Variants in PARD3B observed in about 807,000 individuals in gnomAD.
PARD3B encodes partitioning defective 3 homolog B.
In PARD3B, 103 loss-of-function variants were observed where a neutral mutation model predicts 130.2. That is an observed-to-expected ratio of 0.79 (90% CI 0.67 to 0.93). The LOEUF is 0.93. PARD3B is among the 40% of genes least tolerant of loss of function. PARD3B has a pLI of 0.00. For missense variants in PARD3B, 1,609 were observed against 1,499.2 expected (o/e 1.07, Z -1.21); for synonymous variants, 583 against 553.2 (o/e 1.05, Z -0.76).
chr2:204,643,709 T>A (rs2035172705), intron 1 of PARD3B, among the ~76,000 whole-genome samples: 1 of 152,118 alleles, frequency 6.6e-6, no homozygotes. Flanking sequence ...TCTTCCAGTG[T>A]GGTGCAGGGA....
intron 20 of PARD3B, among the ~76,000 whole-genome samples, chr2:205,441,522 A>G (rs1005203276): frequency 1.3e-5 from 2 of 152,174 alleles, no homozygotes; most frequent in Non-Finnish European, 2.9e-5. Context: ...GGTGGGGAAG[A>G]AGGGTAGCAG....
At chr2:204,924,627 A>T (rs538299573) in intron 2 of PARD3B, among the ~76,000 whole-genome samples, 2 of 152,122 alleles carry the variant, frequency 1.3e-5, no homozygotes, top group African/African-American at 4.8e-5. Flanking sequence ...CAACAGTATC[A>T]GTCCCTACTG....
chr2:205,162,958 A>C (rs1265582385), intron 11 of PARD3B, among the ~76,000 whole-genome samples: 1 of 152,172 alleles, frequency 6.6e-6, no homozygotes, highest in African/African-American at 2.4e-5. Flanking sequence ...GAAAATTTTT[A>C]GTAAAAATTT....
chr2:205,380,601 A>ATATATAAG (rs2045333853), intron 18 of PARD3B, among the ~76,000 whole-genome samples: 1 of 24,802 alleles, frequency 4.0e-5, no homozygotes. Context: ...TAATATATAA[A>ATATATAAG]GAATATATAT....
chr2:205,345,241 G>T (rs1418144791), intron 18 of PARD3B, among the ~76,000 whole-genome samples: 1 of 152,132 alleles, frequency 6.6e-6, no homozygotes, highest in Non-Finnish European at 1.5e-5. Flanking sequence ...TAAGTATGAC[G>T]AAGTGGACAG....
intron 1 of PARD3B, among the ~76,000 whole-genome samples, chr2:204,657,319 G>A (rs1045575783): frequency 1.3e-5 from 2 of 152,098 alleles, no homozygotes; most frequent in African/African-American, 4.8e-5. Flanking sequence ...GCTCAACCTA[G>A]GTAACATAGT....
At chr2:205,008,314 G>A (rs1487774541) in intron 3 of PARD3B, among the ~76,000 whole-genome samples, 1 of 150,910 alleles carries the variant, frequency 6.6e-6, no homozygotes, top group Non-Finnish European at 1.5e-5. Flanking sequence ...TTAATTGAAA[G>A]GAGTAGACTT....
At chr2:205,141,606 C>G (rs1357720074) in intron 10 of PARD3B, among the ~76,000 whole-genome samples, 1 of 152,136 alleles carries the variant, frequency 6.6e-6, no homozygotes, top group Non-Finnish European at 1.5e-5. Flanking sequence ...GAAACATTTG[C>G]AAGCTATTTT....
rs1259907559 is a variant in PARD3B, at chr2:205,276,022, ATAT to A, written c.2186-24504_2186-24502del. Among the ~76,000 whole-genome samples, 3 of 152,154 alleles carry A rather than the reference ATAT, an allele frequency of 2.0e-5. No homozygotes were observed. Among genetic ancestry groups the A allele is most frequent in the African/African-American group, 7.2e-5 (3 of 41,436 alleles). On this transcript the variant is annotated intron_variant, in intron 16 of 22. Transcript: ENST00000406610. This position sits in a 1 kb window ranked among gnomAD's most constrained non-coding sequence, Gnocchi z 5.0. ...AGACACAGTAATCTCAGGTGTGTTCATATTATCATTATTTAGTCTGAGAAATCT... is the reference window on the plus strand; with the variant it reads ...AGACACAGTAATCTCAGGTGTGTTCATATCATTATTTAGTCTGAGAAATCT...
intron 18 of PARD3B, among the ~76,000 whole-genome samples, chr2:205,310,635 C>T (rs564461099): frequency 4.3e-4 from 65 of 151,932 alleles, no homozygotes; most frequent in African/African-American, 1.4e-3. Flanking sequence ...TAATGTCCCC[C>T]AGGTTCATCC....
intron 10 of PARD3B, among the ~76,000 whole-genome samples, chr2:205,155,149 C>A (rs1203149365): frequency 1.3e-5 from 2 of 152,008 alleles, no homozygotes; most frequent in Admixed American, 6.6e-5. Flanking sequence ...TTTGTTTGTA[C>A]TAAATGAAAA....
At chr2:204,619,739 A>G (rs986682914) in intron 1 of PARD3B, among the ~76,000 whole-genome samples, 4 of 152,204 alleles carry the variant, frequency 2.6e-5, no homozygotes, top group Non-Finnish European at 5.9e-5. Context: ...ACAAAGATAC[A>G]ACTTCAGACC....
At chr2:204,954,812 T>C (rs1690094816) in intron 2 of PARD3B, among the ~76,000 whole-genome samples, 1 of 152,202 alleles carries the variant, frequency 6.6e-6, no homozygotes, top group African/African-American at 2.4e-5. Flanking sequence ...ATATGCAAAA[T>C]CCATCACTTT....
rs1244894709 is a variant in PARD3B, at chr2:205,461,227, G to A, written c.3044+20555G>A. Reference sequence around the variant, plus strand: ...AGACTCAAAGAGTGAGTAGCCATGAGAATTTGGGTGCTGAAAGAGGCATGA... The same window carrying A: ...AGACTCAAAGAGTGAGTAGCCATGAAAATTTGGGTGCTGAAAGAGGCATGA... On this transcript the variant is annotated intron_variant, in intron 20 of 22. Coordinates refer to ENST00000406610, the MANE Select transcript of PARD3B (RefSeq NM_001302769.2). This position sits in a 1 kb window ranked among gnomAD's most constrained non-coding sequence, Gnocchi z 4.3. 6.6e-6 allele frequency among the ~76,000 whole-genome samples: 1 copy of A among 152,196 alleles called. No homozygotes were observed. The highest frequency in any genetic ancestry group is 1.5e-5 in the Non-Finnish European group (1 of 68,028).
intron 20 of PARD3B, among the ~76,000 whole-genome samples, chr2:205,489,472 C>A (rs2878750): frequency 6.9e-6 from 1 of 145,728 alleles, no homozygotes; most frequent in South Asian, 2.2e-4. Flanking sequence ...TAAGACTCTG[C>A]CTCTAAATAT....
In PARD3B at chr2:205,230,658, C is replaced by T. The variant is rs1189952759; in HGVS notation, c.2141-15120C>T. Reference sequence around the variant, plus strand: ...CAACGGCTGTCTCACTAGGTTATTACCCCCCAAGTCCACTTACTCCAAGCC... The same window carrying T: ...CAACGGCTGTCTCACTAGGTTATTATCCCCCAAGTCCACTTACTCCAAGCC... On this transcript the variant is annotated intron_variant, in intron 15 of 22. Coordinates refer to ENST00000406610, the MANE Select transcript of PARD3B (RefSeq NM_001302769.2). The surrounding 1 kb of genome is among the most constrained non-coding windows in gnomAD (Gnocchi z 4.1). Among the ~76,000 whole-genome samples, 3 of 152,088 alleles carry T rather than the reference C, an allele frequency of 2.0e-5. No individual in the cohort carries two copies. Among genetic ancestry groups the T allele is most frequent in the South Asian group, 2.1e-4 (1 of 4,826 alleles).
At position 205,560,317 on chromosome 2, in the gene PARD3B, T is replaced by C. The variant is rs369709599; in HGVS notation, c.3260+6914T>C. Among the ~76,000 whole-genome samples the C allele has an allele frequency of 3.3e-5, 5 of 152,344 alleles. No individual in the cohort carries two copies. In the South Asian group the frequency reaches 6.2e-4, roughly 19 times the overall value. Reference sequence around the variant, plus strand: ...TATATGACACAGAACATTCCTAATATACAGGTTAAGTAATGCCTTTCAACC... The same window carrying C: ...TATATGACACAGAACATTCCTAATACACAGGTTAAGTAATGCCTTTCAACC... On this transcript the variant is annotated intron_variant, in intron 22 of 22. Transcript: ENST00000406610.
intron 2 of PARD3B, among the ~76,000 whole-genome samples, chr2:204,876,100 C>T (rs865842335): frequency 2.6e-5 from 4 of 152,108 alleles, no homozygotes; most frequent in Admixed American, 6.5e-5. Context: ...GCCTGAGTTT[C>T]GGAAACAGAG....
chr2:205,545,072 A>G (rs1167768871), intron 21 of PARD3B, among the ~76,000 whole-genome samples: 1 of 152,240 alleles, frequency 6.6e-6, no homozygotes, highest in Non-Finnish European at 1.5e-5. Context: ...TGTGGAAAAC[A>G]AACACTTCAG....
Sources: allele counts gnomAD v4.1 joint callset (sites outside exome capture counted in the v4.1 genomes callset), GRCh38; gene constraint gnomAD v4.1.1; non-coding constraint Gnocchi (gnomAD v3.1); transcripts MANE v1.5; gene names NCBI Gene and HGNC (gene_info 2026-07-23, HGNC 2026-07-21).